The following PRKCE variants were observed in gnomAD, a reference collection of about 807,000 sequenced individuals.
PRKCE encodes the protein protein kinase C epsilon.
In PRKCE, 16 loss-of-function variants were observed where a neutral mutation model predicts 85.4. That is an observed-to-expected ratio of 0.19 (90% CI 0.13 to 0.28). The LOEUF (loss-of-function observed/expected upper bound fraction) is 0.28, where lower values mean the gene tolerates loss of function less well. PRKCE is among the 10% of genes least tolerant of loss of function. PRKCE has a pLI of 1.00. For missense variants in PRKCE, 573 were observed against 975.2 expected (o/e 0.59, Z 5.49); for synonymous variants, 388 against 371.5 (o/e 1.04, Z -0.51).
intron 2 of PRKCE, among the ~76,000 whole-genome samples, chr2:45,975,304 T>G (rs1215822995): frequency 3.9e-5 from 6 of 152,194 alleles, no homozygotes; most frequent in Non-Finnish European, 7.3e-5. Flanking sequence ...CATCCTTGTC[T>G]TAATCAGCTC....
At chr2:45,878,376 C>A (rs997578423) in intron 2 of PRKCE, among the ~76,000 whole-genome samples, 1 of 152,220 alleles carries the variant, frequency 6.6e-6, no homozygotes, top group Non-Finnish European at 1.5e-5. Context: ...AGTTACAAAT[C>A]TACACAAAGG....
chr2:46,071,294 ATTTG>A (rs1668063927), intron 10 of PRKCE, among the ~76,000 whole-genome samples: 1 of 152,232 alleles, frequency 6.6e-6, no homozygotes, highest in African/African-American at 2.4e-5. Context: ...CTGATTTGAA[ATTTG>A]TTTATCATGG....
intron 2 of PRKCE, among the ~76,000 whole-genome samples, chr2:45,926,174 C>T (rs969425600): frequency 2.6e-5 from 4 of 152,176 alleles, no homozygotes; most frequent in Non-Finnish European, 5.9e-5. Flanking sequence ...AATTTTCGGC[C>T]TGCTGCTCAG....
At position 46,117,619 on chromosome 2, in the gene PRKCE, TG is replaced by T. The variant is rs370053110; in HGVS notation, c.1593-27471del. 1.4e-3 allele frequency among the ~76,000 whole-genome samples: 220 copies of T among 152,336 alleles called. 1 individual carries two copies. Among genetic ancestry groups the T allele is most frequent in the African/African-American group, 4.8e-3 (201 of 41,584 alleles). On this transcript the variant is annotated intron_variant, in intron 11 of 14. Transcript: ENST00000306156. The stretch of plus-strand genomic sequence containing the variant: ...TGGGATGGGATCCTCCCTTCACATG[TG>T]GGTCCTAAGCCAGTTCTTTTTACCT...
chr2:45,662,273 T>C (rs1464775573), intron 1 of PRKCE, among the ~76,000 whole-genome samples: 1 of 152,190 alleles, frequency 6.6e-6, no homozygotes, highest in Non-Finnish European at 1.5e-5. Flanking sequence ...CAAGAACTGG[T>C]CGTTGCTCTC....
At chr2:45,682,444 T>TGA (rs1272812036) in intron 1 of PRKCE, among the ~76,000 whole-genome samples, 4 of 152,164 alleles carry the variant, frequency 2.6e-5, no homozygotes, top group Non-Finnish European at 4.4e-5. Flanking sequence ...TTATTTTTTT[T>TGA]GAGACAGAAT....
intron 1 of PRKCE, among the ~76,000 whole-genome samples, chr2:45,837,938 T>A (rs983513383): frequency 6.6e-6 from 1 of 152,176 alleles, no homozygotes; most frequent in African/African-American, 2.4e-5. Context: ...AATAAATGAA[T>A]GCGTATGAGG....
intron 2 of PRKCE, among the ~76,000 whole-genome samples, chr2:45,871,860 T>C (rs1694114821): frequency 6.6e-6 from 1 of 152,132 alleles, no homozygotes; most frequent in Non-Finnish European, 1.5e-5. Context: ...CGGAGTTTGA[T>C]GTCTGGGGTC....
intron 2 of PRKCE, among the ~76,000 whole-genome samples, chr2:45,884,995 A>ATTTTTTTTTTTT (rs1210402363): frequency 7.1e-5 from 5 of 70,244 alleles, no homozygotes; most frequent in Middle Eastern, 6.3e-3. Flanking sequence ...ATATATATAT[A>ATTTTTTTTTTTT]TATATATTTG....
intron 1 of PRKCE, among the ~76,000 whole-genome samples, chr2:45,837,513 T>TACTAAAGTGCTGGGATTATAGGCA (rs1690978835): frequency 6.6e-6 from 1 of 152,176 alleles, no homozygotes; most frequent in Non-Finnish European, 1.5e-5. Flanking sequence ...TGCCTCAGTC[T>TACTAAAGTGCTGGGATTATAGGCA]ACTAAAGTGC....
intron 11 of PRKCE, among the ~76,000 whole-genome samples, chr2:46,130,037 T>A (rs935202015): frequency 2.0e-5 from 3 of 152,222 alleles, no homozygotes; most frequent in Non-Finnish European, 2.9e-5. Context: ...TTAGGGACTA[T>A]TAGCACATGA....
At chr2:46,147,741 G>A (rs1676220980) in intron 12 of PRKCE, among the ~76,000 whole-genome samples, 1 of 152,220 alleles carries the variant, frequency 6.6e-6, no homozygotes, top group Non-Finnish European at 1.5e-5. Context: ...CACAGGGAGT[G>A]CTGGCTAAAT....
chr2:45,927,968 A>G (rs1698758761), intron 2 of PRKCE, among the ~76,000 whole-genome samples: 1 of 152,152 alleles, frequency 6.6e-6, no homozygotes, highest in African/African-American at 2.4e-5. Context: ...GAGGACCCCA[A>G]TGTACATAGA....
chr2:46,167,214 C>T (rs1678424829), intron 14 of PRKCE, among the ~76,000 whole-genome samples: 2 of 152,284 alleles, frequency 1.3e-5, no homozygotes, highest in African/African-American at 4.8e-5. Context: ...CTAATTTGGG[C>T]TGTGGGATAT....
intron 1 of PRKCE, among the ~76,000 whole-genome samples, chr2:45,812,517 G>C (rs1045765314): frequency 6.6e-6 from 1 of 152,214 alleles, no homozygotes; most frequent in African/African-American, 2.4e-5. Context: ...CTTACATTCT[G>C]TGTGCCCTTG....
At chr2:46,119,732 C>T (rs1036984108) in intron 11 of PRKCE, among the ~76,000 whole-genome samples, 2 of 152,140 alleles carry the variant, frequency 1.3e-5, no homozygotes. Flanking sequence ...CGCATTGTTC[C>T]GGCAGCAGAG....
chr2:46,011,721 A>G (rs1206978339), intron 10 of PRKCE, among the ~76,000 whole-genome samples: 2 of 152,172 alleles, frequency 1.3e-5, no homozygotes. Context: ...CCTTTGTTTA[A>G]TCTACTTTTC....
At chr2:46,165,755 C>T (rs895409485) in intron 14 of PRKCE, among the ~76,000 whole-genome samples, 2 of 152,188 alleles carry the variant, frequency 1.3e-5, no homozygotes, top group East Asian at 3.9e-4. Context: ...CATTCCTTCC[C>T]CTCAAAAGCG....
In PRKCE at chr2:45,907,012, GC is replaced by G. The variant is rs1392171666; in HGVS notation, c.412+63950del. Reference sequence around the variant, plus strand: ...ATGCAGTGTCTCCCCATAATCCCCTGCAGGGACCAGGCTGGATGGGGCCCCA... The same window carrying G: ...ATGCAGTGTCTCCCCATAATCCCCTGAGGGACCAGGCTGGATGGGGCCCCA... On this transcript the variant is annotated intron_variant, in intron 2 of 14. Coordinates refer to ENST00000306156, the MANE Select transcript of PRKCE (RefSeq NM_005400.3). The surrounding 1 kb of genome is among the most constrained non-coding windows in gnomAD (Gnocchi z 4.5). 2.0e-5 allele frequency among the ~76,000 whole-genome samples: 3 copies of G among 152,194 alleles called. No homozygotes were observed. Among genetic ancestry groups the G allele is most frequent in the Non-Finnish European group, 4.4e-5 (3 of 68,040 alleles).
Sources: gnomAD v4.1 joint callset for allele counts (sites outside exome capture counted in the v4.1 genomes callset) on GRCh38, gnomAD v4.1.1 for gene constraint, Gnocchi (gnomAD v3.1) non-coding constraint, MANE v1.5 for transcripts, NCBI Gene and HGNC (gene_info 2026-07-23, HGNC 2026-07-21) for gene names.